Variants in CSMD1 observed in about 807,000 individuals in gnomAD.
CSMD1 encodes CUB and Sushi multiple domains 1.
Under a neutral mutation model 417.5 loss-of-function variants are expected in CSMD1, and 213 were observed. The ratio of observed to expected loss-of-function variants is 0.51; its 90% confidence interval spans 0.46 to 0.57. CSMD1 has a LOEUF of 0.57. Among genes scored for constraint, CSMD1 ranks in the 20% least tolerant of loss-of-function variants. The pLI, the probability that CSMD1 is intolerant of heterozygous loss-of-function variation, is 0.00. For synonymous variants in CSMD1, 2,862 were observed against 1,736.8 expected, an observed-to-expected ratio of 1.65 and a Z score of -16.11; for missense variants, 6,923 against 4,529.7, an observed-to-expected ratio of 1.53 and a Z score of -15.17.
chr8:4,260,783 G>C (rs1563352044), intron 3 of CSMD1, among the ~76,000 whole-genome samples: 3 of 152,210 alleles, frequency 2.0e-5, no homozygotes, highest in East Asian at 3.9e-4. Flanking sequence ...CATACAACTT[G>C]AGCACTGTCA....
intron 2 of CSMD1, among the ~76,000 whole-genome samples, chr8:4,456,300 G>C (rs891800646): frequency 6.6e-6 from 1 of 152,068 alleles, no homozygotes; most frequent in Non-Finnish European, 1.5e-5. Flanking sequence ...AAGACAATTT[G>C]TAATAAAGAC....
intron 26 of CSMD1, among the ~76,000 whole-genome samples, chr8:3,275,835 C>T (rs369171672): frequency 0.27 from 41,251 of 151,168 alleles, 5,827 homozygotes; most frequent in African/African-American, 0.34. Context: ...TTCTTCTAAA[C>T]TTTTTTCATA....
intron 68 of CSMD1, among the ~76,000 whole-genome samples, chr8:2,945,964 T>G (rs1661451944): frequency 6.6e-6 from 1 of 152,172 alleles, no homozygotes; most frequent in Non-Finnish European, 1.5e-5. Flanking sequence ...CAACACTTCA[T>G]GTTGGGGATA....
intron 7 of CSMD1, among the ~76,000 whole-genome samples, chr8:3,634,077 G>C (rs887313943): frequency 3.9e-5 from 6 of 152,240 alleles, no homozygotes; most frequent in Admixed American, 3.3e-4. Flanking sequence ...GGGGGTGGTG[G>C]GGGGAGGGGG....
chr8:4,722,093 T>C (rs910483429), intron 1 of CSMD1, among the ~76,000 whole-genome samples: 12 of 152,124 alleles, frequency 7.9e-5, no homozygotes, highest in African/African-American at 2.4e-4. Flanking sequence ...ATCTAATATA[T>C]AGCATGAAAA....
intron 1 of CSMD1, among the ~76,000 whole-genome samples, chr8:4,642,316 C>A (rs1251804242): frequency 1.3e-5 from 2 of 152,174 alleles, no homozygotes; most frequent in Non-Finnish European, 2.9e-5. Flanking sequence ...GTCTCAGAAA[C>A]ACCCAGCTTA....
chr8:3,534,530 A>AG (rs1175673439), intron 10 of CSMD1, among the ~76,000 whole-genome samples: 1 of 152,066 alleles, frequency 6.6e-6, no homozygotes, highest in African/African-American at 2.4e-5. Context: ...AAAAAAAAAA[A>AG]AAAAAGAAAA....
At chr8:3,953,600 G>A (rs1339084328) in intron 5 of CSMD1, among the ~76,000 whole-genome samples, 1 of 151,954 alleles carries the variant, frequency 6.6e-6, no homozygotes, top group Non-Finnish European at 1.5e-5. Flanking sequence ...GGGTCACTGC[G>A]CCCAAGCATA....
chr8:4,470,484 G>T (rs981769698), intron 2 of CSMD1, among the ~76,000 whole-genome samples: 1 of 152,170 alleles, frequency 6.6e-6, no homozygotes, highest in East Asian at 1.9e-4. Context: ...ATGCTTAACT[G>T]GAAGGATAAG....
intron 26 of CSMD1, among the ~76,000 whole-genome samples, chr8:3,256,135 C>T (rs535842074): frequency 1.3e-5 from 2 of 151,918 alleles, no homozygotes; most frequent in Non-Finnish European, 2.9e-5. Flanking sequence ...CCAGACCAGC[C>T]TGGCCAACAT....
At chr8:3,211,202 A>C (rs1282856197) in intron 30 of CSMD1, among the ~76,000 whole-genome samples, 1 of 152,014 alleles carries the variant, frequency 6.6e-6, no homozygotes, top group Non-Finnish European at 1.5e-5. Context: ...GCACCACCCC[A>C]CACAGCTAAT....
intron 12 of CSMD1, among the ~76,000 whole-genome samples, chr8:3,436,838 T>C (rs913967377): frequency 1.3e-5 from 2 of 152,200 alleles, no homozygotes; most frequent in African/African-American, 2.4e-5. Context: ...GTCAGTATGC[T>C]AATATGTTAT....
intron 1 of CSMD1, among the ~76,000 whole-genome samples, chr8:4,845,440 T>A (rs927857827): frequency 6.6e-6 from 1 of 152,156 alleles, no homozygotes; most frequent in Admixed American, 6.6e-5. Context: ...CAACCAATAA[T>A]CAACCAAAAA....
chr8:4,188,443 C>A (rs1188769839), intron 3 of CSMD1, among the ~76,000 whole-genome samples: 4 of 152,096 alleles, frequency 2.6e-5, no homozygotes, highest in Non-Finnish European at 4.4e-5. Context: ...GTCCTGAAAT[C>A]CAGCCTGAGA....
chr8:4,740,509 T>G (rs1810535006), intron 1 of CSMD1, among the ~76,000 whole-genome samples: 1 of 152,124 alleles, frequency 6.6e-6, no homozygotes, highest in Non-Finnish European at 1.5e-5. Flanking sequence ...TGACAGAAAT[T>G]TTCTTTCTGT....
At chr8:4,652,630 G>A (rs977861992) in intron 1 of CSMD1, among the ~76,000 whole-genome samples, 1 of 151,906 alleles carries the variant, frequency 6.6e-6, no homozygotes, top group Non-Finnish European at 1.5e-5. Context: ...ACAGCCTGGA[G>A]ACAGAGAGAG....
At chr8:3,791,705 C>A (rs532510658) in intron 5 of CSMD1, among the ~76,000 whole-genome samples, 1 of 152,210 alleles carries the variant, frequency 6.6e-6, no homozygotes, top group South Asian at 2.1e-4. Flanking sequence ...TACCTGTAAT[C>A]CCAGCAACTC....
At chr8:4,007,609 T>C (rs1585122112) in intron 4 of CSMD1, among the ~76,000 whole-genome samples, 1 of 152,222 alleles carries the variant, frequency 6.6e-6, no homozygotes, top group South Asian at 2.1e-4. Context: ...GCAAGCTTTA[T>C]GAGCCTGTTC....
In CSMD1 at chr8:2,981,242, T is replaced by C. The variant is rs1349167170; in HGVS notation, c.8378-2442A>G. On this transcript the variant is annotated intron_variant, in intron 54 of 69. Coordinates refer to ENST00000635120, the MANE Select transcript of CSMD1 (RefSeq NM_033225.6). ...GAAGAGTTTGTTAGTGACCAACCAA[T>C]CCACACAAGCACCTTTCCCATCTGT... Among the ~76,000 whole-genome samples the C allele has an allele frequency of 2.0e-5, 3 of 152,230 alleles. No homozygotes were observed. The South Asian group carries it at 6.2e-4, about 31-fold the overall frequency.
Sources: allele counts gnomAD v4.1 joint callset (sites outside exome capture counted in the v4.1 genomes callset), GRCh38; gene constraint gnomAD v4.1.1; transcripts MANE v1.5; gene names NCBI Gene and HGNC (gene_info 2026-07-23, HGNC 2026-07-21).